The following TMEM63A variants were observed in gnomAD, a reference collection of about 807,000 sequenced individuals.
The protein encoded by TMEM63A is transmembrane protein 63A.
TMEM63A carries 76 observed loss-of-function variants against 100.6 expected under a neutral mutation model. That is an observed-to-expected ratio of 0.76 (90% CI 0.63 to 0.91). The LOEUF (loss-of-function observed/expected upper bound fraction) is 0.91, where lower values mean the gene tolerates loss of function less well. Ranked by LOEUF, TMEM63A falls within the 40% of genes least tolerant of loss-of-function variation. The pLI, the probability that TMEM63A is intolerant of heterozygous loss-of-function variation, is 0.00. For synonymous variants in TMEM63A, 401 were observed against 401.1 expected (o/e 1.00, Z 0.00); for missense variants, 876 against 1,008.8 (o/e 0.87, Z 1.78).
chr1:225,852,687 G>A lies in TMEM63A; in HGVS notation c.1880C>T (p.Thr627Ile), dbSNP rs113994916. 159 of 1,613,366 alleles carry A rather than the reference G, an allele frequency of 9.9e-5. 1 individual carries two copies. In the African/African-American group the frequency reaches 1.8e-3, roughly 18 times the overall value. ...ACCAAATGGCGCGATGATGGGACAAGTGATGCTGTAGGCCACGATGACAGT... is the reference window on the plus strand; with the variant it reads ...ACCAAATGGCGCGATGATGGGACAAATGATGCTGTAGGCCACGATGACAGT... ...VFTVIVAYSI[T>I]CPIIAPFGLI... is the part of the protein sequence containing the mutation. The change falls in exon 20 of 25, where the codon ACT becomes ATT. Residue 627 changes from threonine (T) to isoleucine (I), a missense_variant. Coordinates refer to ENST00000366835, the MANE Select transcript of TMEM63A (RefSeq NM_014698.3).
At chr1:225,864,033 T>C (rs1241760120) in intron 10 of TMEM63A, 1 of 152,044 alleles carries the variant, frequency 6.6e-6, no homozygotes, top group African/African-American at 2.4e-5. Flanking sequence ...TTGTCCCCAT[T>C]TTACAGATGA....
At position 225,847,194 on chromosome 1, in the gene TMEM63A, AG is replaced by A; in HGVS notation, c.2269del (p.Leu757Ter). The A allele has an allele frequency of 1.2e-6, 2 of 1,613,418 alleles. No homozygotes were observed. Among genetic ancestry groups the A allele is most frequent in the Non-Finnish European group, 1.7e-6 (2 of 1,179,934 alleles). On this transcript the variant is annotated frameshift_variant, in exon 24 of 25. Transcript: ENST00000366835. LOFTEE classifies it high-confidence loss of function. ...PPFTPYVPRI[L>X]NGLASERTAL... ...TGTCCTCTCCGAGGCCAAGCCGTTC[AG>A]AATCCGAGGCACGTAGGGCTGTCAG...
Position 225,867,130 on chromosome 1 carries a change from A to G in TMEM63A, c.548T>C (p.Ile183Thr). 6.2e-7 allele frequency: 1 copy of G among 1,614,042 alleles called. No homozygotes were observed. The highest frequency in any genetic ancestry group is 2.2e-5 in the East Asian group (1 of 44,864). The part of the protein sequence containing the change: ...KDPYSFGRTT[I>T]ANLQTDNDLL... ...TACTCACTCAGTCTGTAGGTTTGCTATTGTTGTCCTCCCAAAACTATACGG... is the reference window on the plus strand; with the variant it reads ...TACTCACTCAGTCTGTAGGTTTGCTGTTGTTGTCCTCCCAAAACTATACGG... The change falls in exon 8 of 25, where the codon ATA (isoleucine) becomes ACA (threonine). Residue 183 changes from isoleucine to threonine, a missense_variant. Ile to Thr is a moderately conservative substitution (Grantham distance 89). Transcript: ENST00000366835. This position sits in a 1 kb window ranked among gnomAD's most constrained non-coding sequence, Gnocchi z 4.6.
At chr1:225,881,724 C>T (rs1330167918) in intron 1 of TMEM63A, among the ~76,000 whole-genome samples, 1 of 152,234 alleles carries the variant, frequency 6.6e-6, no homozygotes, top group Non-Finnish European at 1.5e-5. Flanking sequence ...CCTCAGGTAG[C>T]TAGTCTTATC....
Position 225,874,297 on chromosome 1 carries a change from T to A in TMEM63A, c.257A>T (p.Glu86Val). 1 of 1,614,012 alleles carries A rather than the reference T, an allele frequency of 6.2e-7. No individual in the cohort carries two copies. Among genetic ancestry groups the A allele is most frequent in the South Asian group, 1.1e-5 (1 of 91,038 alleles). The change falls in exon 4 of 25, where the codon GAA becomes GTA. Residue 86 changes from glutamate (E) to valine (V), a missense_variant. By Grantham distance (121) the Glu-to-Val change is moderately radical. This residue lies in a region of TMEM63A where 487 missense variants were observed against 581.9 expected (regional missense o/e 0.84). Coordinates refer to ENST00000366835, the MANE Select transcript of TMEM63A (RefSeq NM_014698.3). ...GGCGATATGTCTTTACCTGTCTGCTTCTGACACCAGGGCAATGCGGCCATA... is the reference window on the plus strand; with the variant it reads ...GGCGATATGTCTTTACCTGTCTGCTACTGACACCAGGGCAATGCGGCCATA... ...WDYGRIALVSEADSESRFQRL... is the reference protein window; with the variant it reads ...WDYGRIALVSVADSESRFQRL...
At chr1:225,878,835 G>C (rs536442232) in intron 2 of TMEM63A, among the ~76,000 whole-genome samples, 1 of 151,528 alleles carries the variant, frequency 6.6e-6, no homozygotes, top group Non-Finnish European at 1.5e-5. Flanking sequence ...CCTAGGCCTA[G>C]AGTGCTGGGG....
chr1:225,870,453 C>G (rs555802855), intron 6 of TMEM63A, among the ~76,000 whole-genome samples: 1 of 148,450 alleles, frequency 6.7e-6, no homozygotes, highest in Non-Finnish European at 1.5e-5. Context: ...CGCCCCCCCC[C>G]GCCTCCTGGC....
At chr1:225,874,468 G>T in intron 3 of TMEM63A, 101 bp from the exon 4 acceptor site, 1 of 1,001,962 alleles carries the variant, frequency 1.0e-6, no homozygotes, top group Non-Finnish European at 1.5e-6. Context: ...CACTCAGCAG[G>T]GCTAGAAGGA....
In TMEM63A at chr1:225,865,796, G is replaced by A. The variant is rs949902471; in HGVS notation, c.746+101C>T. 32 of 1,222,102 alleles carry A rather than the reference G, an allele frequency of 2.6e-5. No homozygotes were observed. The highest frequency in any genetic ancestry group is 3.0e-5 in the Non-Finnish European group (26 of 852,714). 75.7% of individuals were successfully genotyped at this position (1,222,102 alleles called of 1,614,324 possible). A position where few individuals can be genotyped will look rare whatever the true frequency, so the allele number is the denominator to read the frequency against. On this transcript the variant is annotated intron_variant, in intron 10 of 24. Coordinates refer to ENST00000366835, the MANE Select transcript of TMEM63A (RefSeq NM_014698.3). This position sits in a 1 kb window ranked among gnomAD's most constrained non-coding sequence, Gnocchi z 4.6. The stretch of plus-strand genomic sequence containing the variant: ...TCAGATCTCACCTGGATACCCAAGC[G>A]AGAGACAGAAGGCGCTCACCTAAGG...
rs116456190 is a variant in TMEM63A at position 225,862,519 on chromosome 1, C to T, written c.887G>A (p.Arg296Gln). Residue 296 changes from arginine to glutamine, a missense_variant, in exon 12 of 25, where the codon CGG becomes CAG. Coordinates refer to ENST00000366835, the MANE Select transcript of TMEM63A (RefSeq NM_014698.3). The surrounding 1 kb of genome is among the most constrained non-coding windows in gnomAD (Gnocchi z 5.1). ...YTNLQVKTGQ[R>Q]TLINPKPCGQ... ...ACAGGGCTTGGGGTTGATGAGGGTC[C>T]GCTGGCCTGTCTTCACCTGCAGGTT... is the stretch of plus-strand genomic sequence containing the variant. 1.2e-5 allele frequency: 20 copies of T among 1,614,090 alleles called. No individual in the cohort carries two copies. The highest frequency in any genetic ancestry group is 5.0e-5 in the Admixed American group (3 of 60,028).
downstream of TMEM63A, chr1:225,845,477 C>G (rs536429297): frequency 1.3e-4 from 115 of 879,460 alleles, no homozygotes; most frequent in African/African-American, 1.6e-3. Flanking sequence ...CCACGCTCAC[C>G]CCCTCACCCC....
intron 22 of TMEM63A, 29 bp downstream of exon 22, chr1:225,848,868 G>T: frequency 1.3e-6 from 2 of 1,531,936 alleles, no homozygotes; most frequent in South Asian, 2.4e-5. Context: ...CCCAGGGCTT[G>T]ACCGGGCAGT....
Position 225,853,120 on chromosome 1 carries a change from G to A in TMEM63A, c.1798-351C>T, listed in dbSNP as rs951659277. 1.1e-4 allele frequency among the ~76,000 whole-genome samples: 16 copies of A among 152,280 alleles called. No homozygotes were observed. Among genetic ancestry groups the A allele is most frequent in the African/African-American group, 3.1e-4 (13 of 41,554 alleles). On this transcript the variant is annotated intron_variant, in intron 19 of 24. Transcript: ENST00000366835. The surrounding 1 kb of genome is among the most constrained non-coding windows in gnomAD (Gnocchi z 4.0). ...GCTTAGTTCATGCCTCTGTGAAATC[G>A]GGATACTAGCAGTGCCCAGCTCATA...
intron 20 of TMEM63A, among the ~76,000 whole-genome samples, chr1:225,850,687 T>C (rs1669282497): frequency 6.6e-6 from 1 of 152,194 alleles, no homozygotes; most frequent in African/African-American, 2.4e-5. Context: ...TTAGCCGCAC[T>C]GACAGGCAAA....
At position 225,877,545 on chromosome 1, in the gene TMEM63A, G is replaced by A. The variant is rs773942290; in HGVS notation, c.36C>T (p.Ser12=). 6.2e-7 allele frequency: 1 copy of A among 1,614,096 alleles called. No individual in the cohort carries two copies. Among genetic ancestry groups the A allele is most frequent in the Non-Finnish European group, 8.5e-7 (1 of 1,179,992 alleles). Residue 12 remains serine, a synonymous_variant, in exon 3 of 25, where the codon TCC becomes TCT. Coordinates refer to ENST00000366835, the MANE Select transcript of TMEM63A (RefSeq NM_014698.3). Reference sequence around the variant, plus strand: ...GCTGCTCCCTGATGGACACTGCCTTGGACTGCCACAGCTCCAGGAACGGGG... The same window carrying A: ...GCTGCTCCCTGATGGACACTGCCTTAGACTGCCACAGCTCCAGGAACGGGG... ...MDSPFLELWQ[S]KAVSIREQLG...
intron 5 of TMEM63A, 128 bp from the exon 6 acceptor site, chr1:225,871,241 T>C: frequency 1.1e-6 from 1 of 951,198 alleles, no homozygotes; most frequent in Non-Finnish European, 1.6e-6. Context: ...TTTTATCCCA[T>C]ATTCAGCAAG....
At chr1:225,878,923 C>CAT (rs1670957504) in intron 2 of TMEM63A, among the ~76,000 whole-genome samples, 1 of 147,110 alleles carries the variant, frequency 6.8e-6, no homozygotes, top group East Asian at 2.0e-4. Flanking sequence ...CACACACACA[C>CAT]GAAGCACAGG....
intron 4 of TMEM63A, 137 bp from the exon 5 acceptor site, chr1:225,872,190 G>A: frequency 1.6e-6 from 1 of 633,718 alleles, no homozygotes; most frequent in African/African-American, 1.8e-5. Context: ...CGATGGCTGG[G>A]ACAAAATATA....
rs114109917 is a variant in TMEM63A at position 225,853,978 on chromosome 1, C to T, written c.1635-187G>A. Reference sequence around the variant, plus strand: ...CTAGGCACTGAGAATAGAACAAAGCCCCTGCGCCACTCTCTTGAAGTTCAC... The same window carrying T: ...CTAGGCACTGAGAATAGAACAAAGCTCCTGCGCCACTCTCTTGAAGTTCAC... On this transcript the variant is annotated intron_variant, in intron 18 of 24. Coordinates refer to ENST00000366835, the MANE Select transcript of TMEM63A (RefSeq NM_014698.3). The surrounding 1 kb of genome is among the most constrained non-coding windows in gnomAD (Gnocchi z 4.0). 3.1e-3 allele frequency among the ~76,000 whole-genome samples: 479 copies of T among 152,270 alleles called. 2 individuals are homozygous for T. The highest frequency in any genetic ancestry group is 5.6e-3 in the Non-Finnish European group (382 of 68,024).
Sources: gnomAD v4.1 joint callset for allele counts (sites outside exome capture counted in the v4.1 genomes callset) on GRCh38, gnomAD v4.1.1 for gene constraint, gnomAD v4.1.1 regional missense constraint, Gnocchi (gnomAD v3.1) non-coding constraint, MANE v1.5 for transcripts, NCBI Gene and HGNC (gene_info 2026-07-23, HGNC 2026-07-21) for gene names.